Variants in CELA3B observed in about 807,000 individuals in gnomAD.
The protein encoded by CELA3B is chymotrypsin-like elastase family member 3B.
A neutral mutation model predicts 37.2 loss-of-function variants in CELA3B; 34 were observed. That is an observed-to-expected ratio of 0.91 (90% CI 0.70 to 1.22). The LOEUF is 1.22. Ranked by LOEUF, CELA3B falls within the 50% of genes most tolerant of loss-of-function variation. The pLI, the probability that CELA3B is intolerant of heterozygous loss-of-function variation, is 0.00. For synonymous variants in CELA3B, 127 were observed against 143.5 expected, an observed-to-expected ratio of 0.89 and a Z score of 0.82; for missense variants, 340 against 363.1, an observed-to-expected ratio of 0.94 and a Z score of 0.52.
intron 4 of CELA3B, among the ~76,000 whole-genome samples, chr1:21,981,549 G>A (rs569190525): frequency 1.3e-5 from 2 of 151,770 alleles, no homozygotes; most frequent in Middle Eastern, 3.4e-3. Flanking sequence ...GGCACAAGGA[G>A]GAGCACTGGG....
At chr1:21,993,891 G>A (rs1289224584), downstream of CELA3B, among the ~76,000 whole-genome samples, 2 of 145,568 alleles carry the variant, frequency 1.4e-5, no homozygotes, top group African/African-American at 2.6e-5. Context: ...CAGCCCATCC[G>A]CTCCTCCACT....
At chr1:21,979,516 A>T (rs6700770) in intron 2 of CELA3B, among the ~76,000 whole-genome samples, 5 of 142,150 alleles carry the variant, frequency 3.5e-5, no homozygotes, top group African/African-American at 5.3e-5. Context: ...GCAGTGGTGT[A>T]ATCTCAGCTC....
At chr1:21,997,956 AAC>A (rs1456407203) in intron 4 of CELA3B, among the ~76,000 whole-genome samples, 1 of 151,320 alleles carries the variant, frequency 6.6e-6, no homozygotes, top group Non-Finnish European at 1.5e-5. Context: ...TTGAGAGGGA[AAC>A]AGTCTGCCCT....
intron 6 of CELA3B, among the ~76,000 whole-genome samples, chr1:21,985,123 A>C (rs1436055032): frequency 1.3e-5 from 2 of 151,752 alleles, no homozygotes; most frequent in African/African-American, 2.4e-5. Flanking sequence ...TACAAAAAAA[A>C]CTTTTTTAAA....
At chr1:21,985,044 C>G (rs1430933240) in intron 6 of CELA3B, among the ~76,000 whole-genome samples, 1 of 152,124 alleles carries the variant, frequency 6.6e-6, no homozygotes, top group South Asian at 2.1e-4. Flanking sequence ...CTTTGGGAGG[C>G]TGAGGCGGGA....
intron 4 of CELA3B, among the ~76,000 whole-genome samples, chr1:21,981,815 TC>T (rs1469420305): frequency 1.3e-5 from 2 of 151,454 alleles, no homozygotes; most frequent in African/African-American, 4.9e-5. Context: ...AAGCTCTGCC[TC>T]CCGGGTTCAC....
At chr1:21,981,926 C>T (rs1478674054) in intron 4 of CELA3B, among the ~76,000 whole-genome samples, 33 of 152,044 alleles carry the variant, frequency 2.2e-4, no homozygotes, top group South Asian at 4.2e-4. Flanking sequence ...GGGGTTTCAC[C>T]GTGTTAGCCA....
intron 4 of CELA3B, among the ~76,000 whole-genome samples, chr1:21,997,276 G>A (rs889679271): frequency 2.7e-5 from 4 of 146,092 alleles, no homozygotes; most frequent in Non-Finnish European, 6.0e-5. Context: ...CAGGAGAATT[G>A]CTTTAACCTG....
rs1644785475 is a variant in CELA3B, at chr1:21,978,578, A to G, written c.129+124A>G. On this transcript the variant is annotated intron_variant, in intron 2 of 7. Coordinates refer to ENST00000337107, the MANE Select transcript of CELA3B (RefSeq NM_007352.4). ...ATGTCCACTTCAGCTTCCAAAGACC[A>G]GGCAGCCCTTGGACCATCTACTTCA... is the stretch of plus-strand genomic sequence containing the variant. 14 of 1,213,408 alleles carry G rather than the reference A, an allele frequency of 1.2e-5. No individual in the cohort carries two copies. In the Admixed American group the frequency reaches 2.0e-4, roughly 17 times the overall value. 75.2% of individuals were successfully genotyped at this position (1,213,408 alleles called of 1,614,324 possible). A position where few individuals can be genotyped will look rare whatever the true frequency, so the allele number is the denominator to read the frequency against.
At chr1:21,978,628 T>A (rs1176386508) in intron 2 of CELA3B, among the ~76,000 whole-genome samples, 174 bp downstream of exon 2, 1 of 152,200 alleles carries the variant, frequency 6.6e-6, no homozygotes, top group Non-Finnish European at 1.5e-5. Flanking sequence ...CCATTCCGTC[T>A]GTAACCCTCA....
intron 5 of CELA3B, 119 bp downstream of exon 5, chr1:21,983,949 G>A: frequency 7.1e-7 from 1 of 1,417,646 alleles, no homozygotes; most frequent in Admixed American, 2.3e-5. Context: ...TTTCTCTCCA[G>A]CTGCAGCCTT....
downstream of CELA3B, among the ~76,000 whole-genome samples, chr1:21,992,982 AG>A (rs1644875029): frequency 6.7e-6 from 1 of 149,646 alleles, no homozygotes; most frequent in Non-Finnish European, 1.5e-5. Context: ...AAAAAAAAAA[AG>A]AAAGAAAAAT....
rs778214872 is a variant in CELA3B at position 21,986,684 on chromosome 1, G to A, written c.795+1G>A. 2.5e-6 allele frequency: 4 copies of A among 1,612,896 alleles called. No homozygotes were observed. Among genetic ancestry groups the A allele is most frequent in the South Asian group, 2.2e-5 (2 of 91,010 alleles). On this transcript the variant is annotated splice_donor_variant, in intron 7 of 7. Transcript: ENST00000337107. LOFTEE classifies it high-confidence loss of function. ...CGCCTTCATTGACTGGATTGAGGAG[G>A]TGAGGAGGGCAGGGCGGCCCGGAGG...
Position 21,998,015 on chromosome 1 carries a change from G to A in CELA3B, c.505-136G>A, listed in dbSNP as rs1410082428. On this transcript the variant is annotated intron_variant, in intron 4 of 4. Coordinates refer to the CELA3B transcript ENST00000400277. ...ACATTTTATAAAACAATGTAGTTAA[G>A]GAAAAGCTAATCGATAACACAAACA... 4.7e-5 allele frequency: 19 copies of A among 401,586 alleles called. 1 individual carries two copies. Among genetic ancestry groups the A allele is most frequent in the African/African-American group, 2.3e-4 (11 of 47,142 alleles). 24.9% of individuals were successfully genotyped at this position (401,586 alleles called of 1,614,324 possible). A position where few individuals can be genotyped will look rare whatever the true frequency, so the allele number is the denominator to read the frequency against.
chr1:21,979,717 G>C (rs897615575), intron 2 of CELA3B, among the ~76,000 whole-genome samples: 1 of 151,152 alleles, frequency 6.6e-6, no homozygotes, highest in Non-Finnish European at 1.5e-5. Context: ...ACCTCCCACA[G>C]TGCTGGGATT....
chr1:21,993,344 C>G (rs1368019288), downstream of CELA3B, among the ~76,000 whole-genome samples: 1 of 150,412 alleles, frequency 6.6e-6, no homozygotes, highest in African/African-American at 2.5e-5. Context: ...TGCCTGTAAT[C>G]CCAGCTACTT....
rs34963341 is a variant in CELA3B, at chr1:21,986,704, C to G, written c.795+21C>G. The G allele has an allele frequency of 2.5e-6, 4 of 1,606,410 alleles. No individual in the cohort carries two copies. The Admixed American group carries it at 5.1e-5, about 21-fold the overall frequency. On this transcript the variant is annotated intron_variant, in intron 7 of 7. Coordinates refer to ENST00000337107, the MANE Select transcript of CELA3B (RefSeq NM_007352.4). ...AGGAGGTGAGGAGGGCAGGGCGGCC[C>G]GGAGGGCTTTAGGGTGGTGGCTCTT...
At chr1:21,993,141 A>C (rs947580908), downstream of CELA3B, among the ~76,000 whole-genome samples, 1 of 151,108 alleles carries the variant, frequency 6.6e-6, no homozygotes, top group African/African-American at 2.5e-5. Flanking sequence ...AAATCAACAA[A>C]ATACTAAATT....
chr1:21,989,113 T>A, intron 7 of CELA3B, 149 bp from the exon 8 acceptor site: 1 of 1,477,448 alleles, frequency 6.8e-7, no homozygotes, highest in Non-Finnish European at 9.3e-7. Flanking sequence ...TCATTATCCC[T>A]ACTACATAGA....
Sources: allele counts gnomAD v4.1 joint callset (sites outside exome capture counted in the v4.1 genomes callset), GRCh38; gene constraint gnomAD v4.1.1; transcripts MANE v1.5; gene names NCBI Gene and HGNC (gene_info 2026-07-23, HGNC 2026-07-21).